DAB2IP: variants seen among roughly 807,000 people sequenced by gnomAD.
DAB2IP encodes the protein DAB2 interacting protein, also known as disabled homolog 2-interacting protein.
Under a neutral mutation model 107.2 loss-of-function variants are expected in DAB2IP, and 28 were observed. The ratio of observed to expected loss-of-function variants is 0.26; its 90% confidence interval spans 0.19 to 0.36. The LOEUF (loss-of-function observed/expected upper bound fraction) is 0.36. Among genes scored for constraint, DAB2IP ranks in the 10% least tolerant of loss-of-function variants. DAB2IP has a pLI of 1.00. For synonymous variants in DAB2IP, 755 were observed against 706.4 expected, an observed-to-expected ratio of 1.07 and a Z score of -1.09; for missense variants, 1,400 against 1,644.7, an observed-to-expected ratio of 0.85 and a Z score of 2.57.
intron 3 of DAB2IP, among the ~76,000 whole-genome samples, chr9:121,726,996 G>C (rs1831269297): frequency 6.6e-6 from 1 of 152,220 alleles, no homozygotes; most frequent in South Asian, 2.1e-4. Context: ...GGGAGGTGGA[G>C]AGGAGTAGGG....
In DAB2IP at chr9:121,776,976, T is replaced by A. The variant is rs1472688998; in HGVS notation, c.3314+585T>A. 1.3e-5 allele frequency among the ~76,000 whole-genome samples: 2 copies of A among 152,230 alleles called. No homozygotes were observed. The highest frequency in any genetic ancestry group is 6.5e-5 in the Admixed American group (1 of 15,298). On this transcript the variant is annotated intron_variant, in intron 14 of 15. Transcript: ENST00000408936. The surrounding 1 kb of genome is among the most constrained non-coding windows in gnomAD (Gnocchi z 5.4). ...GGCCTGGGTTATCTGGGAAAGGGCT[T>A]CAGAGGAACAGCGGGTTTTAATGCT... is the stretch of plus-strand genomic sequence containing the variant.
At chr9:121,631,706 C>T (rs997087306) in intron 1 of DAB2IP, among the ~76,000 whole-genome samples, 12 of 149,740 alleles carry the variant, frequency 8.0e-5, no homozygotes, top group Admixed American at 7.4e-4. Flanking sequence ...GCCCCAGCTA[C>T]TTGGGAGGCT....
chr9:121,611,508 T>C (rs1046403640), intron 1 of DAB2IP, among the ~76,000 whole-genome samples: 1 of 152,240 alleles, frequency 6.6e-6, no homozygotes, highest in African/African-American at 2.4e-5. Context: ...AGTTATCTTA[T>C]TTCTCTGATC....
chr9:121,665,112 T>C (rs183613389), intron 1 of DAB2IP, among the ~76,000 whole-genome samples: 191 of 152,372 alleles, frequency 1.3e-3, no homozygotes, highest in Non-Finnish European at 2.6e-3. Flanking sequence ...AAAGCCAGTA[T>C]GTACACACTT....
rs899045245 is a variant in DAB2IP at position 121,634,743 on chromosome 9, C to T, written c.41-43935C>T. ...AGACCCCTGGCCCTGGTGGTCTAGC[C>T]TCTAAAGGAAGCAGATGATAGCAAT... On this transcript the variant is annotated intron_variant, in intron 1 of 16. Transcript: ENST00000259371. This position sits in a 1 kb window ranked among gnomAD's most constrained non-coding sequence, Gnocchi z 4.7. Among the ~76,000 whole-genome samples the T allele has an allele frequency of 1.3e-5, 2 of 152,150 alleles. No homozygotes were observed. The highest frequency in any genetic ancestry group is 2.9e-5 in the Non-Finnish European group (2 of 68,016).
intron 2 of DAB2IP, among the ~76,000 whole-genome samples, chr9:121,679,018 A>C (rs922492900): frequency 2.6e-5 from 4 of 152,278 alleles, no homozygotes; most frequent in East Asian, 3.9e-4. Context: ...GGTGGAGGAC[A>C]GACAGCACCG....
At chr9:121,674,510 C>T (rs559015626) in intron 1 of DAB2IP, among the ~76,000 whole-genome samples, 2 of 152,272 alleles carry the variant, frequency 1.3e-5, no homozygotes, top group East Asian at 3.9e-4. Context: ...CTCCGGCCAC[C>T]TGGGATCCTT....
At chr9:121,605,415 G>T (rs1293326221) in intron 1 of DAB2IP, among the ~76,000 whole-genome samples, 3 of 152,188 alleles carry the variant, frequency 2.0e-5, no homozygotes, top group Non-Finnish European at 4.4e-5. Flanking sequence ...GTTAGGGAAA[G>T]CCACCTGTCA....
Position 121,699,286 on chromosome 9 carries a change from C to T in DAB2IP, c.229-39C>T, listed in dbSNP as rs759956692. ...TCCCGGCCCGCCGCCGCCGCGCTAA[C>T]CCCGCCTCCCCTTCCCCCTCTTGTC... is the stretch of plus-strand genomic sequence containing the variant. On this transcript the variant is annotated intron_variant, in intron 2 of 15. Coordinates refer to ENST00000408936, the Ensembl canonical transcript of DAB2IP. This position sits in a 1 kb window ranked among gnomAD's most constrained non-coding sequence, Gnocchi z 6.2. The T allele has an allele frequency of 1.5e-6, 2 of 1,325,062 alleles. No homozygotes were observed. The highest frequency in any genetic ancestry group is 2.0e-6 in the Non-Finnish European group (2 of 1,018,550). 82.1% of individuals were successfully genotyped at this position (1,325,062 alleles called of 1,614,324 possible).
intron 6 of DAB2IP, among the ~76,000 whole-genome samples, chr9:121,762,044 G>A (rs1017183141): frequency 6.6e-6 from 1 of 152,156 alleles, no homozygotes; most frequent in East Asian, 1.9e-4. Flanking sequence ...GTGGGATTGG[G>A]GAGCAGTAGA....
At chr9:121,759,978 C>T in exon 6 of DAB2IP, 1 of 1,614,228 alleles carries the variant, frequency 6.2e-7, no homozygotes, top group Non-Finnish European at 8.5e-7. Flanking sequence ...CGAGCTGTGC[C>T]TGGACGATGT....
chr9:121,569,098 G>C (rs1222004549), intron 1 of DAB2IP, among the ~76,000 whole-genome samples: 2 of 152,244 alleles, frequency 1.3e-5, no homozygotes, highest in Non-Finnish European at 2.9e-5. Flanking sequence ...AGCTGGAGAG[G>C]GGTCTGGCTT....
chr9:121,720,984 A>T (rs1304341197), intron 3 of DAB2IP, among the ~76,000 whole-genome samples: 1 of 152,082 alleles, frequency 6.6e-6, no homozygotes, highest in African/African-American at 2.4e-5. Context: ...AGAGGGGCAG[A>T]CCTCCTGCAG....
chr9:121,647,572 G>T (rs978656382), upstream of DAB2IP, among the ~76,000 whole-genome samples: 1 of 151,996 alleles, frequency 6.6e-6, no homozygotes, highest in Admixed American at 6.6e-5. Flanking sequence ...ATGGTTTTCT[G>T]CCTAGAGGGG....
intron 3 of DAB2IP, among the ~76,000 whole-genome samples, chr9:121,700,098 A>T (rs567562272): frequency 6.6e-6 from 1 of 152,274 alleles, no homozygotes; most frequent in African/African-American, 2.4e-5. Context: ...TCTCCAGCCT[A>T]GGCAGCTGCT....
At chr9:121,680,029 C>G (rs1314643011) in intron 2 of DAB2IP, among the ~76,000 whole-genome samples, 1 of 152,248 alleles carries the variant, frequency 6.6e-6, no homozygotes, top group Non-Finnish European at 1.5e-5. Context: ...TTTCCGCCAT[C>G]ACAGCAGCCT....
chr9:121,697,200 TG>T (rs199963119), intron 2 of DAB2IP, among the ~76,000 whole-genome samples: 5 of 152,170 alleles, frequency 3.3e-5, no homozygotes, highest in African/African-American at 1.2e-4. Context: ...AAAACTTTTT[TG>T]TTTAAACTCA....
chr9:121,568,121 G>T (rs919526384), intron 1 of DAB2IP, among the ~76,000 whole-genome samples: 1 of 152,178 alleles, frequency 6.6e-6, no homozygotes, highest in African/African-American at 2.4e-5. Context: ...GCCTTCCAGG[G>T]GTTCAGGTCC....
At chr9:121,567,357 G>GACCCATGCCC in intron 1 of DAB2IP, 6 of 1,404,098 alleles carry the variant, frequency 4.3e-6, no homozygotes, top group Non-Finnish European at 4.9e-6. Context: ...CTGGTCTTGG[G>GACCCATGCCC]ACCCATGGGT....
Sources: gnomAD v4.1 joint callset for allele counts (sites outside exome capture counted in the v4.1 genomes callset) on GRCh38, gnomAD v4.1.1 for gene constraint, Gnocchi (gnomAD v3.1) non-coding constraint, MANE v1.5 for transcripts, NCBI Gene and HGNC (gene_info 2026-07-23, HGNC 2026-07-21) for gene names.